Variants in ALK observed in about 807,000 individuals in gnomAD.
ALK encodes the protein ALK tyrosine kinase receptor.
A neutral mutation model predicts 163.1 loss-of-function variants in ALK; 74 were observed. That is an observed-to-expected ratio of 0.45 (90% CI 0.38 to 0.55). The LOEUF (loss-of-function observed/expected upper bound fraction) is 0.55, where lower values mean the gene tolerates loss of function less well. Among genes scored for constraint, ALK ranks in the 20% least tolerant of loss-of-function variants. ALK has a pLI of 0.00. For synonymous variants in ALK, 960 were observed against 843.2 expected, an observed-to-expected ratio of 1.14 and a Z score of -2.40; for missense variants, 2,063 against 2,105.3, an observed-to-expected ratio of 0.98 and a Z score of 0.39.
intron 1 of ALK, among the ~76,000 whole-genome samples, chr2:29,771,942 C>T (rs982586115): frequency 6.6e-6 from 1 of 152,196 alleles, no homozygotes; most frequent in African/African-American, 2.4e-5. Context: ...CACTCTTTCT[C>T]AGGAAGCTGA....
chr2:29,467,069 A>G (rs945500252), intron 4 of ALK, among the ~76,000 whole-genome samples: 7 of 152,136 alleles, frequency 4.6e-5, no homozygotes, highest in Admixed American at 3.3e-4. Flanking sequence ...GGCAATACCC[A>G]TTCACCTCAC....
At chr2:29,642,550 G>C (rs989579063) in intron 3 of ALK, among the ~76,000 whole-genome samples, 2 of 152,104 alleles carry the variant, frequency 1.3e-5, no homozygotes, top group Non-Finnish European at 2.9e-5. Flanking sequence ...ATAATCAGAG[G>C]TTGACTTCAA....
At chr2:29,360,632 T>C (rs1668364182) in intron 5 of ALK, among the ~76,000 whole-genome samples, 1 of 152,152 alleles carries the variant, frequency 6.6e-6, no homozygotes, top group African/African-American at 2.4e-5. Context: ...CATGGACTCT[T>C]ATCCTCAAAG....
At chr2:29,386,317 G>A (rs757191716) in intron 4 of ALK, among the ~76,000 whole-genome samples, 1 of 152,134 alleles carries the variant, frequency 6.6e-6, no homozygotes, top group Non-Finnish European at 1.5e-5. Context: ...CTCTGTTACC[G>A]TACCCAGCAG....
chr2:29,214,743 C>G (rs1416285472), intron 23 of ALK, among the ~76,000 whole-genome samples: 1 of 152,186 alleles, frequency 6.6e-6, no homozygotes, highest in Non-Finnish European at 1.5e-5. Context: ...CACAATGAAG[C>G]CTTTCCAGAA....
intron 4 of ALK, among the ~76,000 whole-genome samples, chr2:29,445,083 G>T (rs1670639183): frequency 1.3e-5 from 2 of 152,170 alleles, no homozygotes; most frequent in African/African-American, 4.8e-5. Context: ...ACTTCCCATT[G>T]TGTGTCTCCC....
At chr2:29,331,156 C>A (rs1341754205) in intron 5 of ALK, among the ~76,000 whole-genome samples, 1 of 152,112 alleles carries the variant, frequency 6.6e-6, no homozygotes, top group African/African-American at 2.4e-5. Context: ...CTGGACTATT[C>A]ATCTCTACCT....
At chr2:29,310,224 T>C (rs1666659246) in intron 8 of ALK, among the ~76,000 whole-genome samples, 1 of 152,202 alleles carries the variant, frequency 6.6e-6, no homozygotes, top group African/African-American at 2.4e-5. Flanking sequence ...ATCATGACTC[T>C]GCCTCTAGCA....
intron 8 of ALK, among the ~76,000 whole-genome samples, chr2:29,308,071 CT>C (rs755997457): frequency 1.3e-5 from 2 of 149,112 alleles, no homozygotes; most frequent in African/African-American, 2.5e-5. Flanking sequence ...TCTTTTCTTT[CT>C]TTTCCAATTT....
intron 5 of ALK, among the ~76,000 whole-genome samples, chr2:29,343,319 C>T (rs1245904285): frequency 6.6e-6 from 1 of 151,112 alleles, no homozygotes; most frequent in Non-Finnish European, 1.5e-5. Context: ...AGTGATCCTC[C>T]CATCTCAGTC....
chr2:29,209,759 C>T (rs3738868), intron 25 of ALK, 27 bp downstream of exon 25: 22 of 1,574,398 alleles, frequency 1.4e-5, no homozygotes, highest in African/African-American at 5.4e-5. Flanking sequence ...GAGACAGGCC[C>T]GGAGGGGTGA....
chr2:29,473,124 T>C (rs1289756044), intron 4 of ALK, among the ~76,000 whole-genome samples: 2 of 152,214 alleles, frequency 1.3e-5, no homozygotes, highest in Non-Finnish European at 2.9e-5. Flanking sequence ...ATTATAAAGC[T>C]CCTGTATTTA....
At chr2:29,707,072 G>A (rs150541174) in intron 2 of ALK, among the ~76,000 whole-genome samples, 106 of 148,346 alleles carry the variant, frequency 7.1e-4, no homozygotes, top group African/African-American at 2.5e-3. Flanking sequence ...GGCTCCAGAG[G>A]GCATGGTGAA....
intron 3 of ALK, among the ~76,000 whole-genome samples, chr2:29,632,030 T>A (rs1007234260): frequency 6.6e-6 from 1 of 152,206 alleles, no homozygotes; most frequent in Non-Finnish European, 1.5e-5. Context: ...ATTGCACAAA[T>A]CCCATGCACA....
At chr2:29,424,292 C>A (rs1233737383) in intron 4 of ALK, among the ~76,000 whole-genome samples, 2 of 152,094 alleles carry the variant, frequency 1.3e-5, no homozygotes, top group East Asian at 1.9e-4. Context: ...CAAAGATGAC[C>A]AACCTAAAAA....
chr2:29,771,884 T>C (rs1436039291), intron 1 of ALK, among the ~76,000 whole-genome samples: 1 of 152,094 alleles, frequency 6.6e-6, no homozygotes, highest in Non-Finnish European at 1.5e-5. Flanking sequence ...GAAGGTAAAA[T>C]AATGGATTTG....
At chr2:29,290,439 T>C (rs1164349355) in intron 9 of ALK, among the ~76,000 whole-genome samples, 1 of 152,206 alleles carries the variant, frequency 6.6e-6, no homozygotes, top group Admixed American at 6.5e-5. Context: ...CTCCTCCTCA[T>C]AGGCATCCCT....
intron 11 of ALK, among the ~76,000 whole-genome samples, chr2:29,271,068 T>C (rs1665371128): frequency 6.6e-6 from 1 of 152,152 alleles, no homozygotes; most frequent in Admixed American, 6.5e-5. Context: ...AGGCCTCCTC[T>C]ATTGGGGTGT....
At chr2:29,543,191 GGCA>G (rs755606571) in intron 3 of ALK, among the ~76,000 whole-genome samples, 1 of 152,052 alleles carries the variant, frequency 6.6e-6, no homozygotes, top group Non-Finnish European at 1.5e-5. Flanking sequence ...GGGGAGAGGT[GGCA>G]GCAGATTATG....
Sources: gnomAD v4.1 joint callset for allele counts (sites outside exome capture counted in the v4.1 genomes callset) on GRCh38, gnomAD v4.1.1 for gene constraint, MANE v1.5 for transcripts, NCBI Gene and HGNC (gene_info 2026-07-23, HGNC 2026-07-21) for gene names.